TTN: variants seen among roughly 807,000 people sequenced by gnomAD.
TTN encodes the protein titin.
A neutral mutation model predicts 3,223.0 loss-of-function variants in TTN; 1,525 were observed. The ratio of observed to expected loss-of-function variants is 0.47; its 90% CI spans 0.45 to 0.49. TTN has a LOEUF of 0.49. TTN is among the 20% of genes least tolerant of loss of function. The pLI, the probability that TTN is intolerant of heterozygous loss-of-function variation, is 0.00. For synonymous variants in TTN, 14,094 were observed against 15,161.0 expected, an observed-to-expected ratio of 0.93 and a Z score of 5.17; for missense variants, 40,786 against 43,424.0, an observed-to-expected ratio of 0.94 and a Z score of 5.40.
At chr2:178,707,002 C>T (rs377766561) in intron 100 of TTN, 48 bp from the exon 101 acceptor site, 2 of 1,490,062 alleles carry the variant, frequency 1.3e-6, no homozygotes, top group Non-Finnish European at 1.8e-6. Context: ...CTCAGAATTA[C>T]AATACATATC....
rs761412068 is a variant in TTN at position 178,617,409 on chromosome 2, T to C, written c.47676A>G (p.Leu15892=). ...PPLKDGGSPI[L]GYIIERCEEG... The stretch of plus-strand genomic sequence containing the variant: ...CTTCGCATCGCTCAATTATATAGCC[T>C]AATATTGGGCTTCCTCCATCTTTCA... The change falls in exon 254 of 363, where the codon TTA becomes TTG. Residue 15892 remains leucine, a synonymous_variant. Coordinates refer to ENST00000589042, the MANE Select transcript of TTN (RefSeq NM_001267550.2). 11 of 1,592,646 alleles carry C rather than the reference T, an allele frequency of 6.9e-6. No homozygotes were observed. In the Admixed American group the frequency reaches 9.1e-5, roughly 13 times the overall value.
Position 178,576,803 on chromosome 2 carries a change from C to G in TTN, c.69441G>C (p.Glu23147Asp), listed in dbSNP as rs1173953424. 6.2e-7 allele frequency: 1 copy of G among 1,612,814 alleles called. No individual in the cohort carries two copies. The highest frequency in any genetic ancestry group is 1.7e-5 in the Admixed American group (1 of 59,878). ...FGPPGPPEKP[E>D]VSNVTKNTAT... ...CAGTGTTCTTAGTGACATTTGATAC[C>G]TCTGGTTTTTCAGGAGGGCCAGGGG... Residue 23147 changes from glutamate (E) to aspartate (D), a missense_variant, in exon 325 of 363, where the codon GAG (glutamate) becomes GAC (aspartate). Glu to Asp is a conservative substitution (Grantham distance 45). Coordinates refer to ENST00000589042, the MANE Select transcript of TTN (RefSeq NM_001267550.2). The surrounding 1 kb of genome is among the most constrained non-coding windows in gnomAD (Gnocchi z 4.3).
intron 240 of TTN, among the ~76,000 whole-genome samples, 173 bp from the exon 241 acceptor site, chr2:178,625,569 T>A (rs935904598): frequency 1.1e-4 from 17 of 152,098 alleles, no homozygotes; most frequent in East Asian, 1.9e-4. Context: ...ATCTTTTTTT[T>A]AAATTTATTT....
At position 178,547,625 on chromosome 2, in the gene TTN, T is replaced by G; in HGVS notation, c.94001A>C (p.Lys31334Thr). 6.2e-7 allele frequency: 1 copy of G among 1,613,868 alleles called. No individual in the cohort carries two copies. Among genetic ancestry groups the G allele is most frequent in the Non-Finnish European group, 8.5e-7 (1 of 1,179,816 alleles). Reference sequence around the variant, plus strand: ...AGTAATTTCAGTGCCTCCTCCATCTTTAGGTTCTCCCCATGACAGGACACA... The same window carrying G: ...AGTAATTTCAGTGCCTCCTCCATCTGTAGGTTCTCCCCATGACAGGACACA... ...ESCVLSWGEP[K>T]DGGGTEITNY... Residue 31334 changes from lysine to threonine, a missense_variant, in exon 339 of 363, where the codon AAA (lysine) becomes ACA (threonine). By Grantham distance (78) the Lys-to-Thr change is moderately conservative. Transcript: ENST00000589042.
chr2:178,560,163 T>A lies in TTN; in HGVS notation c.85969A>T (p.Lys28657Ter), dbSNP rs72648224. 6.2e-7 allele frequency: 1 copy of A among 1,613,690 alleles called. No individual in the cohort carries two copies. Among genetic ancestry groups the A allele is most frequent in the Non-Finnish European group, 8.5e-7 (1 of 1,179,710 alleles). ...TTGCCTGAGTCCACAATTTTGGGTTTGGATGGAGGAGATGGTAGGAACACT... is the reference window on the plus strand; with the variant it reads ...TTGCCTGAGTCCACAATTTTGGGTTAGGATGGAGGAGATGGTAGGAACACT... ...DPVFLPSPPS[K>*]PKIVDSGKTT... Residue 28657 changes from lysine to a stop codon, truncating the protein, a stop_gained, in exon 326 of 363, where the codon AAA (lysine) becomes TAA (stop). Transcript: ENST00000589042. LOFTEE classifies it high-confidence loss of function.
At chr2:178,719,507 C>A in intron 82 of TTN, 47 bp downstream of exon 82, 1 of 1,588,706 alleles carries the variant, frequency 6.3e-7, no homozygotes, top group South Asian at 1.2e-5. Context: ...TGTGCCCCTC[C>A]ACCCCCTGGA....
intron 110 of TTN, 97 bp downstream of exon 110, chr2:178,701,431 T>A (rs1376982227): frequency 3.8e-6 from 5 of 1,302,918 alleles, no homozygotes; most frequent in Admixed American, 2.2e-5. Context: ...TTGTTCTGAC[T>A]CTGCTGCAGT....
chr2:178,790,092 T>G lies in TTN; in HGVS notation c.1824A>C (p.Thr608=), dbSNP rs1043257879. 6.2e-7 allele frequency: 1 copy of G among 1,612,942 alleles called. No individual in the cohort carries two copies. Residue 608 remains threonine (T), a synonymous_variant, in exon 12 of 363, where the codon ACA becomes ACC. Coordinates refer to ENST00000589042, the MANE Select transcript of TTN (RefSeq NM_001267550.2). ...TGGCAACTATGACTTTAGGTACAAC[T>G]GTTTTCCTAGTTTCCTTCATTATCT... ...YEKIMKETRK[T]VVPKVIVATP... is the part of the protein sequence containing the mutation.
chr2:178,666,735 C>T (rs2065991319), intron 163 of TTN, 89 bp downstream of exon 163: 3 of 1,142,410 alleles, frequency 2.6e-6, no homozygotes, highest in Non-Finnish European at 3.6e-6. Flanking sequence ...ACTGTAGCCA[C>T]TTTGGCTTAA....
At position 178,557,447 on chromosome 2, in the gene TTN, T is replaced by C. The variant is rs886039083; in HGVS notation, c.87815A>G (p.Tyr29272Cys). The change falls in exon 329 of 363, where the codon TAT becomes TGT. Residue 29272 changes from tyrosine (Y) to cysteine (C), a missense_variant. Tyr to Cys is a radical substitution (Grantham distance 194, BLOSUM62 -2). Coordinates refer to ENST00000589042, the MANE Select transcript of TTN (RefSeq NM_001267550.2). The stretch of plus-strand genomic sequence containing the variant: ...GTTTCTGTCTTTCATTTCCAGGTGA[T>C]AGCCTACGACTGCACTGCCTCCATT... Reference protein sequence around the residue: ...VSNGGSAVVGYHLEMKDRNSI... With the variant: ...VSNGGSAVVGCHLEMKDRNSI... The C allele has an allele frequency of 1.1e-5, 18 of 1,613,854 alleles. No homozygotes were observed. The highest frequency in any genetic ancestry group is 2.2e-5 in the East Asian group (1 of 44,872).
rs774990184 is a variant in TTN, at chr2:178,750,074, G to A, written c.11311+3050C>T. 5.8e-5 allele frequency: 93 copies of A among 1,613,038 alleles called. 1 individual carries two copies. In the East Asian group the frequency reaches 2.0e-3, roughly 35 times the overall value. On this transcript the variant is annotated intron_variant, in intron 47 of 362. Transcript: ENST00000589042. ...ATCCTGTTCTGGGATAGGAGTAGCT[G>A]CTGTTACCTGAATTTCTACAGGAAA...
rs2742338 is a variant in TTN, at chr2:178,707,746, C to T, written c.28821G>A (p.Val9607=). Residue 9607 remains valine, a synonymous_variant, in exon 100 of 363, where the codon GTG becomes GTA. Transcript: ENST00000589042. ...ATCCCTGGACATGGCAGCTGAGCTG[C>T]ACGTATTCTCCTTCACTCACTGTTA... ...TPVTVSEGEY[V]QLSCHVQGSE... is the part of the protein sequence containing the mutation. 1 of 1,613,920 alleles carries T rather than the reference C, an allele frequency of 6.2e-7. No individual in the cohort carries two copies. The highest frequency in any genetic ancestry group is 2.2e-5 in the East Asian group (1 of 44,888).
In TTN at chr2:178,732,182, T is replaced by TG. The variant is rs1276374887; in HGVS notation, c.16786_16787insC (p.Glu5596AlafsTer18). On this transcript the variant is annotated frameshift_variant, in exon 57 of 363. Coordinates refer to ENST00000589042, the MANE Select transcript of TTN (RefSeq NM_001267550.2). LOFTEE classifies it high-confidence loss of function. ...TGTCAGTCTTAGAACTGCAGTAGAC[T>TG]CCACAAAAGACATTCTGTGTTTGCT... is the stretch of plus-strand genomic sequence containing the variant. 6.2e-7 allele frequency: 1 copy of TG among 1,613,858 alleles called. No homozygotes were observed. The highest frequency in any genetic ancestry group is 8.5e-7 in the Non-Finnish European group (1 of 1,179,782).
In TTN at chr2:178,727,873, TTA is replaced by T. The variant is rs748695304; in HGVS notation, c.19715-12_19715-11del. 1.1e-5 allele frequency: 17 copies of T among 1,547,286 alleles called. No individual in the cohort carries two copies. The highest frequency in any genetic ancestry group is 1.4e-5 in the Non-Finnish European group (16 of 1,151,808). ...AGGAAGCTTGGTGGTTCTATAGATT[TTA>T]AGAGAGATATATTTAATTAAATTGC... On this transcript the variant is annotated splice_polypyrimidine_tract_variant and intron_variant, in intron 67 of 362. Transcript: ENST00000589042.
Position 178,634,706 on chromosome 2 carries a change from T to G in TTN, c.42151+17A>C, listed in dbSNP as rs546392087. On this transcript the variant is annotated intron_variant, in intron 229 of 362. Coordinates refer to ENST00000589042, the MANE Select transcript of TTN (RefSeq NM_001267550.2). This position sits in a 1 kb window ranked among gnomAD's most constrained non-coding sequence, Gnocchi z 4.6. ...AATAAAGTTGAGACCCCTCCCCAAA[T>G]TCTAAAAGCCCCATACCTTTTACTG... is the stretch of plus-strand genomic sequence containing the variant. 3 of 1,612,648 alleles carry G rather than the reference T, an allele frequency of 1.9e-6. No individual in the cohort carries two copies. The East Asian group carries it at 6.7e-5, about 36-fold the overall frequency.
intron 119 of TTN, among the ~76,000 whole-genome samples, chr2:178,693,319 C>T (rs1212666070): frequency 6.6e-6 from 1 of 152,064 alleles, no homozygotes; most frequent in South Asian, 2.1e-4. Context: ...TAACCATAGG[C>T]TCTGGTGAGC....
intron 257 of TTN, among the ~76,000 whole-genome samples, chr2:178,616,219 G>A (rs549300198): frequency 6.6e-6 from 1 of 151,804 alleles, no homozygotes; most frequent in Non-Finnish European, 1.5e-5. Context: ...TACTTAGCAG[G>A]TACCAAGTCA....
Position 178,553,059 on chromosome 2 carries a change from T to G in TTN, c.89841A>C (p.Arg29947=). 1 of 1,612,592 alleles carries G rather than the reference T, an allele frequency of 6.2e-7. No homozygotes were observed. Among genetic ancestry groups the G allele is most frequent in the South Asian group, 1.1e-5 (1 of 91,054 alleles). ...GATCCCAGAGCAAAGTGACTGTGCC[T>G]CGAGAAACATGTTTAACCTGTAGTT... The part of the protein sequence containing the change: ...CQKLQVKHVS[R]GTVTLLWDPP... The change falls in exon 335 of 363, where the codon CGA becomes CGC. Residue 29947 remains arginine, a synonymous_variant. Transcript: ENST00000589042.
intron 47 of TTN, 64 bp downstream of exon 47, chr2:178,753,060 A>G (rs1340129908): frequency 7.4e-6 from 10 of 1,356,070 alleles, no homozygotes; most frequent in Non-Finnish European, 9.4e-6. Context: ...GAAAGAAGGC[A>G]ACTCAAGGAT....
Sources: gnomAD v4.1 joint callset for allele counts (sites outside exome capture counted in the v4.1 genomes callset) on GRCh38, gnomAD v4.1.1 for gene constraint, Gnocchi (gnomAD v3.1) non-coding constraint, MANE v1.5 for transcripts, NCBI Gene and HGNC (gene_info 2026-07-23, HGNC 2026-07-21) for gene names.